LRP1B: variants seen among roughly 807,000 people sequenced by gnomAD.
The protein encoded by LRP1B is low-density lipoprotein receptor-related protein 1B.
A neutral mutation model predicts 556.6 loss-of-function variants in LRP1B; 217 were observed. The ratio of observed to expected loss-of-function variants is 0.39; its 90% CI spans 0.35 to 0.44. The LOEUF is 0.44. LRP1B is among the 20% of genes least tolerant of loss of function. The pLI, the probability that LRP1B is intolerant of heterozygous loss-of-function variation, is 1.00. For missense variants in LRP1B, 5,053 were observed against 5,620.8 expected (o/e 0.90, Z 3.23); for synonymous variants, 2,047 against 1,865.8 (o/e 1.10, Z -2.50).
intron 3 of LRP1B, among the ~76,000 whole-genome samples, chr2:141,387,973 T>C (rs1372537157): frequency 6.6e-6 from 1 of 152,176 alleles, no homozygotes; most frequent in African/African-American, 2.4e-5. Flanking sequence ...AAAGATTATA[T>C]GCAATGACCA....
intron 1 of LRP1B, 133 bp downstream of exon 1, chr2:142,130,515 G>C: frequency 2.8e-6 from 2 of 720,694 alleles, no homozygotes; most frequent in South Asian, 3.8e-5. Context: ...CACAGGGCCA[G>C]CGCACGGTGG....
At chr2:140,986,502 C>A (rs539348834) in intron 17 of LRP1B, among the ~76,000 whole-genome samples, 29 of 152,214 alleles carry the variant, frequency 1.9e-4, no homozygotes, top group African/African-American at 6.7e-4. Flanking sequence ...CACAGTATTG[C>A]CAATGCTGAG....
intron 86 of LRP1B, among the ~76,000 whole-genome samples, chr2:140,264,982 T>C (rs994539735): frequency 6.6e-6 from 1 of 152,098 alleles, no homozygotes; most frequent in African/African-American, 2.4e-5. Context: ...TGTGTGTGCC[T>C]GTGTTCATGT....
intron 2 of LRP1B, among the ~76,000 whole-genome samples, chr2:141,558,870 A>T (rs1005225232): frequency 6.6e-6 from 1 of 151,754 alleles, no homozygotes; most frequent in African/African-American, 2.4e-5. Flanking sequence ...CAGCGCTATG[A>T]ATCTATTCAA....
At chr2:140,591,870 C>A (rs550556102) in intron 43 of LRP1B, among the ~76,000 whole-genome samples, 4 of 152,056 alleles carry the variant, frequency 2.6e-5, no homozygotes, top group African/African-American at 9.7e-5. Flanking sequence ...TGAGAGATGA[C>A]TTTATCTCAT....
chr2:141,219,219 C>A (rs747806210), intron 6 of LRP1B, among the ~76,000 whole-genome samples: 1 of 152,172 alleles, frequency 6.6e-6, no homozygotes, highest in Non-Finnish European at 1.5e-5. Flanking sequence ...GGGGGAGAGG[C>A]AGCCACCATC....
chr2:141,015,581 T>C (rs1297580343), intron 13 of LRP1B, 115 bp downstream of exon 13: 26 of 829,094 alleles, frequency 3.1e-5, no homozygotes, highest in Admixed American at 1.5e-4. Context: ...TGGAGACTAT[T>C]GGCAGCCACC....
intron 2 of LRP1B, among the ~76,000 whole-genome samples, chr2:141,670,938 A>T (rs936840199): frequency 6.6e-6 from 1 of 152,126 alleles, no homozygotes; most frequent in Non-Finnish European, 1.5e-5. Flanking sequence ...TCATAATTGG[A>T]CTCATAAAAG....
At position 140,982,148 on chromosome 2, in the gene LRP1B, C is replaced by G. The variant is rs772197814; in HGVS notation, c.2887+12G>C. On this transcript the variant is annotated intron_variant, in intron 18 of 90. Coordinates refer to ENST00000389484, the MANE Select transcript of LRP1B (RefSeq NM_018557.3). ...CAATCTGTAATAATAACATGTCTCA[C>G]TCACAACTTACCACAAGATGCCATT... The G allele has an allele frequency of 5.0e-6, 8 of 1,598,272 alleles. No homozygotes were observed. Among genetic ancestry groups the G allele is most frequent in the Non-Finnish European group, 6.9e-6 (8 of 1,166,130 alleles).
At chr2:140,802,827 AAAACCCTC>A (rs1171797033) in intron 32 of LRP1B, among the ~76,000 whole-genome samples, 53 of 152,360 alleles carry the variant, frequency 3.5e-4, no homozygotes, top group African/African-American at 1.2e-3. Context: ...ACCATTTTTA[AAAACCCTC>A]AAAGGTGCAG....
chr2:140,335,892 G>T, intron 77 of LRP1B, 54 bp from the exon 78 acceptor site: 1 of 1,114,246 alleles, frequency 9.0e-7, no homozygotes, highest in Non-Finnish European at 1.4e-6. Flanking sequence ...AATTAGCGGA[G>T]TTTTCTGTAT....
intron 21 of LRP1B, among the ~76,000 whole-genome samples, chr2:140,914,072 G>A (rs554513945): frequency 1.4e-4 from 22 of 152,194 alleles, no homozygotes; most frequent in Admixed American, 1.2e-3. Context: ...TTTTGAATTA[G>A]CAATGGAGAT....
chr2:142,047,577 G>A (rs1331663898), intron 1 of LRP1B, among the ~76,000 whole-genome samples: 2 of 151,668 alleles, frequency 1.3e-5, no homozygotes, highest in African/African-American at 2.4e-5. Context: ...ATAAAGAAAT[G>A]TGACAGAGAC....
intron 23 of LRP1B, chr2:140,898,899 C>T (rs1694024387): frequency 2.6e-6 from 1 of 389,380 alleles, no homozygotes. Context: ...AACTCATCCT[C>T]AACTGGAAGA....
At chr2:141,599,123 A>G (rs532463894) in intron 2 of LRP1B, among the ~76,000 whole-genome samples, 2 of 122,468 alleles carry the variant, frequency 1.6e-5, no homozygotes, top group South Asian at 5.2e-4. Flanking sequence ...TTGCTATTTC[A>G]GATCAACTCC....
chr2:141,204,388 G>A (rs945237194), intron 6 of LRP1B, among the ~76,000 whole-genome samples: 2 of 152,128 alleles, frequency 1.3e-5, no homozygotes, highest in African/African-American at 4.8e-5. Context: ...GTGAATTGGG[G>A]AATGATATGA....
intron 10 of LRP1B, among the ~76,000 whole-genome samples, chr2:141,052,883 C>G (rs1193884176): frequency 1.3e-5 from 2 of 151,990 alleles, no homozygotes; most frequent in Admixed American, 1.3e-4. Flanking sequence ...AGTGATCCAC[C>G]TGCCTCAGCC....
chr2:140,331,132 T>C (rs897958145), intron 79 of LRP1B, among the ~76,000 whole-genome samples: 1 of 152,158 alleles, frequency 6.6e-6, no homozygotes, highest in Non-Finnish European at 1.5e-5. Flanking sequence ...GTATGTTCAC[T>C]GTAGCACTGG....
chr2:141,621,887 G>A (rs191531185), intron 2 of LRP1B, among the ~76,000 whole-genome samples: 2 of 151,996 alleles, frequency 1.3e-5, no homozygotes, highest in Admixed American at 6.5e-5. Context: ...TTTTTTGTTT[G>A]TTTGTTTGTT....
Sources: gnomAD v4.1 joint callset for allele counts (sites outside exome capture counted in the v4.1 genomes callset) on GRCh38, gnomAD v4.1.1 for gene constraint, MANE v1.5 for transcripts, NCBI Gene and HGNC (gene_info 2026-07-23, HGNC 2026-07-21) for gene names.